The following ICE2 variants were observed in gnomAD, a reference collection of about 807,000 sequenced individuals.
The protein encoded by ICE2 is interactor of little elongation complex ELL subunit 2, also known as little elongation complex subunit 2.
In ICE2, 87 loss-of-function variants were observed where a neutral mutation model predicts 105.4. That is an observed-to-expected ratio of 0.83 (90% CI 0.69 to 0.99). The LOEUF (loss-of-function observed/expected upper bound fraction) is 0.99, where lower values mean the gene tolerates loss of function less well. Ranked by LOEUF, ICE2 falls within the 50% of genes least tolerant of loss-of-function variation. The pLI is 0.00. For synonymous variants in ICE2, 399 were observed against 392.0 expected (o/e 1.02, Z -0.21); for missense variants, 1,323 against 1,146.7 (o/e 1.15, Z -2.22).
rs145417946 is a variant in ICE2 at position 60,433,416 on chromosome 15, G to C, written c.2511-1432C>G. On this transcript the variant is annotated intron_variant, in intron 13 of 15. Transcript: ENST00000261520. ...AGGTATTTAAAAAATTTCTTTAGTA[G>C]TTCTTCTAGACCTAAAGTCCGTCTG... 9.0e-3 allele frequency among the ~76,000 whole-genome samples: 1,362 copies of C among 151,820 alleles called. 9 individuals are homozygous for C. Among genetic ancestry groups the C allele is most frequent in the Admixed American group, 0.013 (202 of 15,246 alleles).
intron 5 of ICE2, among the ~76,000 whole-genome samples, chr15:60,458,865 C>A (rs1240300967): frequency 6.6e-6 from 1 of 152,098 alleles, no homozygotes; most frequent in Non-Finnish European, 1.5e-5. Context: ...CACAAAAAGA[C>A]AGATACTGTA....
At chr15:60,463,322 C>G (rs529830858) in intron 5 of ICE2, among the ~76,000 whole-genome samples, 1 of 152,144 alleles carries the variant, frequency 6.6e-6, no homozygotes, top group African/African-American at 2.4e-5. Flanking sequence ...AACCCAAGTT[C>G]CGATCAACAG....
At position 60,442,427 on chromosome 15, in the gene ICE2, G is replaced by A. The variant is rs908790746; in HGVS notation, c.2414C>T (p.Ser805Leu). ...TTTGTATAACTTACCAACATAAAAT[G>A]AGCTGTTGGAATGCAATAAACTTTC... ...WTESLLHSNS[S>L]FYVGHIDAFT... The change falls in exon 12 of 16, where the codon TCA becomes TTA. Residue 805 changes from serine to leucine, a missense_variant. Ser to Leu is a moderately radical substitution (Grantham distance 145, BLOSUM62 -2). Transcript: ENST00000261520. 6.3e-7 allele frequency: 1 copy of A among 1,581,250 alleles called. No individual in the cohort carries two copies. Among genetic ancestry groups the A allele is most frequent in the Non-Finnish European group, 8.5e-7 (1 of 1,172,822 alleles).
In ICE2 at chr15:60,428,463, G is replaced by A. The variant is rs778186710; in HGVS notation, c.2786C>T (p.Pro929Leu). 6.2e-7 allele frequency: 1 copy of A among 1,613,822 alleles called. No individual in the cohort carries two copies. Among genetic ancestry groups the A allele is most frequent in the Non-Finnish European group, 8.5e-7 (1 of 1,179,906 alleles). ...TGTTGTGGTATCCAGTGATTTCGGT[G>A]GAAAAGTACAAGGTATTCTTCCATG... ...IHHGRIPCTF[P>L]PKSLDTTTQQ... Residue 929 changes from proline (P) to leucine (L), a missense_variant, in exon 15 of 16, where the codon CCA (proline) becomes CTA (leucine). By Grantham distance (98) the Pro-to-Leu change is moderately conservative. Coordinates refer to ENST00000261520, the MANE Select transcript of ICE2 (RefSeq NM_024611.6).
At chr15:60,451,709 C>T in intron 9 of ICE2, 3 of 684,970 alleles carry the variant, frequency 4.4e-6, no homozygotes, top group Non-Finnish European at 5.4e-6. Context: ...ACTTCTGGTT[C>T]ACCCTGACTC....
At position 60,455,462 on chromosome 15, in the gene ICE2, C is replaced by G; in HGVS notation, c.667-20G>C. ...ACTGCCCTAAATATGAAAAAAAAAT[C>G]ATTTTATTGCAAAAATCGCAATGTA... On this transcript the variant is annotated intron_variant, in intron 6 of 15. Transcript: ENST00000261520. 4 of 1,465,002 alleles carry G rather than the reference C, an allele frequency of 2.7e-6. No individual in the cohort carries two copies. Among genetic ancestry groups the G allele is most frequent in the Non-Finnish European group, 3.8e-6 (4 of 1,054,580 alleles). 90.8% of individuals were successfully genotyped at this position (1,465,002 alleles called of 1,614,324 possible). A position where few individuals can be genotyped will look rare whatever the true frequency, so the allele number is the denominator to read the frequency against.
At position 60,455,173 on chromosome 15, in the gene ICE2, A is replaced by G. The variant is rs1595789211; in HGVS notation, c.784-11T>C. ...ATCTTTACTAATATCCTGAAAAACA[A>G]CAAGTAATTTGTTACTTGGTTATAC... On this transcript the variant is annotated splice_polypyrimidine_tract_variant and intron_variant, in intron 7 of 15. Transcript: ENST00000261520. 1 of 1,560,484 alleles carries G rather than the reference A, an allele frequency of 6.4e-7. No homozygotes were observed. Among genetic ancestry groups the G allele is most frequent in the East Asian group, 2.2e-5 (1 of 44,628 alleles).
chr15:60,460,492 C>T (rs577886556), intron 5 of ICE2, among the ~76,000 whole-genome samples: 17 of 152,102 alleles, frequency 1.1e-4, no homozygotes, highest in African/African-American at 3.1e-4. Flanking sequence ...AGGGAGACTC[C>T]GTCTCCAAAA....
In ICE2 at chr15:60,449,478, T is replaced by C; in HGVS notation, c.1489A>G (p.Asn497Asp). 1.2e-6 allele frequency: 2 copies of C among 1,614,202 alleles called. No homozygotes were observed. Among genetic ancestry groups the C allele is most frequent in the Non-Finnish European group, 1.7e-6 (2 of 1,180,032 alleles). The change falls in exon 10 of 16, where the codon AAT becomes GAT. Residue 497 changes from asparagine (N) to aspartate (D), a missense_variant. Transcript: ENST00000261520. ...QGFESCEKVSNSDKPLIQDSD... is the reference protein window; with the variant it reads ...QGFESCEKVSDSDKPLIQDSD... ...TCTTGTATCAAAGGCTTGTCAGAAT[T>C]TGATACCTTTTCACATGATTCAAAT...
chr15:60,448,525 A>C (rs1021004868), intron 10 of ICE2, among the ~76,000 whole-genome samples: 1 of 152,234 alleles, frequency 6.6e-6, no homozygotes, highest in African/African-American at 2.4e-5. Flanking sequence ...CCAAGTATAA[A>C]TAAATTTTAA....
intron 4 of ICE2, among the ~76,000 whole-genome samples, chr15:60,467,294 T>G (rs2064458640): frequency 1.3e-5 from 2 of 151,986 alleles, no homozygotes; most frequent in East Asian, 3.9e-4. Context: ...TACATCCGAA[T>G]AGAAAAACGA....
intron 4 of ICE2, among the ~76,000 whole-genome samples, chr15:60,467,102 T>C (rs534859390): frequency 2.0e-4 from 30 of 152,200 alleles, no homozygotes; most frequent in Non-Finnish European, 3.7e-4. Context: ...GCTGGCTATA[T>C]AGGTGCCTGC....
chr15:60,456,520 CGAGA>C (rs1189018474), intron 6 of ICE2, 133 bp downstream of exon 6: 2 of 141,792 alleles, frequency 1.4e-5, no homozygotes, highest in East Asian at 2.0e-4. Flanking sequence ...CGCCAGGCGA[CGAGA>C]GAGAGACTCT....
chr15:60,454,804 G>A (rs1300008302), intron 8 of ICE2, 199 bp downstream of exon 8: 3 of 449,708 alleles, frequency 6.7e-6, no homozygotes, highest in Non-Finnish European at 1.2e-5. Context: ...TGTCATCTAG[G>A]TTTTAAGCCC....
In ICE2 at chr15:60,472,782, ATT is replaced by A. The variant is rs906572576; in HGVS notation, c.146+3279_146+3280del. 2.0e-4 allele frequency among the ~76,000 whole-genome samples: 31 copies of A among 152,276 alleles called. 2 individuals carry two copies. Among genetic ancestry groups the A allele is most frequent in the African/African-American group, 7.5e-4 (31 of 41,562 alleles). On this transcript the variant is annotated intron_variant, in intron 3 of 15. Transcript: ENST00000261520. ...GTAGGAGGATCACCTGAGCCCAGGAATTTGAGTCTAGCCTGGGCAACATGGCA... is the reference window on the plus strand; with the variant it reads ...GTAGGAGGATCACCTGAGCCCAGGAATGAGTCTAGCCTGGGCAACATGGCA...
rs1273573821 is a variant in ICE2 at position 60,448,883 on chromosome 15, G to C, written c.2084C>G (p.Ser695Cys). 3 of 1,600,812 alleles carry C rather than the reference G, an allele frequency of 1.9e-6. No individual in the cohort carries two copies. The highest frequency in any genetic ancestry group is 2.6e-6 in the Non-Finnish European group (3 of 1,176,116). Reference sequence around the variant, plus strand: ...CTTCTGAAATGCAGAAGGCCATCCAGATTTCGGCCAACTAGAGGAGTCTGA... The same window carrying C: ...CTTCTGAAATGCAGAAGGCCATCCACATTTCGGCCAACTAGAGGAGTCTGA... The part of the protein sequence containing the change: ...GPSDSSSWPK[S>C]GWPSAFQKPK... The change falls in exon 10 of 16, where the codon TCT becomes TGT. Residue 695 changes from serine (S) to cysteine (C), a missense_variant. Physicochemically the swap from Ser to Cys is moderately radical, Grantham distance 112 (BLOSUM62 -1). Transcript: ENST00000261520.
At chr15:60,429,016 T>G (rs2063398133) in intron 14 of ICE2, among the ~76,000 whole-genome samples, 1 of 152,220 alleles carries the variant, frequency 6.6e-6, no homozygotes, top group Admixed American at 6.5e-5. Flanking sequence ...GTATCTATAC[T>G]GAAAAGCATT....
In ICE2 at chr15:60,442,554, C is replaced by A. The variant is rs779791021; in HGVS notation, c.2296-9G>T. 2.6e-6 allele frequency: 4 copies of A among 1,554,948 alleles called. No homozygotes were observed. ...ACATAAACTGGAAATTGCTGCAATG[C>A]AAAATTATACTTTTTCAAAGCTCTA... is the stretch of plus-strand genomic sequence containing the variant. On this transcript the variant is annotated splice_polypyrimidine_tract_variant and intron_variant, in intron 11 of 15. Coordinates refer to ENST00000261520, the MANE Select transcript of ICE2 (RefSeq NM_024611.6).
intron 15 of ICE2, among the ~76,000 whole-genome samples, chr15:60,425,043 G>C (rs1443463196): frequency 6.6e-6 from 1 of 152,134 alleles, no homozygotes; most frequent in Non-Finnish European, 1.5e-5. Flanking sequence ...GGGTGATAGT[G>C]TAACTCCAAG....
Sources: gnomAD v4.1 joint callset for allele counts (sites outside exome capture counted in the v4.1 genomes callset) on GRCh38, gnomAD v4.1.1 for gene constraint, MANE v1.5 for transcripts, NCBI Gene and HGNC (gene_info 2026-07-23, HGNC 2026-07-21) for gene names.